The following SRBD1 variants were observed in gnomAD, a reference collection of about 807,000 sequenced individuals.
SRBD1 encodes S1 RNA-binding domain-containing protein 1.
A neutral mutation model predicts 115.3 loss-of-function variants in SRBD1; 88 were observed. The ratio of observed to expected loss-of-function variants is 0.76; its 90% CI spans 0.64 to 0.91. SRBD1 has a LOEUF of 0.91. SRBD1 is among the 40% of genes least tolerant of loss of function. The pLI is 0.00. For synonymous variants in SRBD1, 509 were observed against 407.7 expected (o/e 1.25, Z -2.99); for missense variants, 1,385 against 1,177.4 (o/e 1.18, Z -2.58).
At chr2:45,506,707 T>C (rs1421009146) in intron 14 of SRBD1, among the ~76,000 whole-genome samples, 4 of 152,178 alleles carry the variant, frequency 2.6e-5, no homozygotes, top group Non-Finnish European at 5.9e-5. Context: ...ATATACAGCA[T>C]GAAAAGGATA....
At chr2:45,524,384 T>C (rs1187264037) in intron 14 of SRBD1, among the ~76,000 whole-genome samples, 1 of 152,002 alleles carries the variant, frequency 6.6e-6, no homozygotes, top group Non-Finnish European at 1.5e-5. Context: ...GATAACATTA[T>C]TTTGCATATA....
chr2:45,439,236 G>A (rs1223826714), intron 16 of SRBD1, among the ~76,000 whole-genome samples: 1 of 151,866 alleles, frequency 6.6e-6, no homozygotes, highest in African/African-American at 2.4e-5. Context: ...GAATTTTGCA[G>A]ACTAAAGGAA....
In SRBD1 at chr2:45,579,918, T is replaced by A. The variant is rs1673295595; in HGVS notation, c.1029A>T (p.Pro343=). The change falls in exon 7 of 21, where the codon CCA becomes CCT. Residue 343 remains proline, a synonymous_variant. Coordinates refer to ENST00000263736, the MANE Select transcript of SRBD1 (RefSeq NM_018079.5). ...TGTACGATAGCAGACTGAGCTCCCC[T>A]GGTTTCTCAAGCAGTGCCCTGGCTG... ...EGAARALLEK[P]GELSLLSYIR... 1 of 1,610,368 alleles carries A rather than the reference T, an allele frequency of 6.2e-7. No individual in the cohort carries two copies. Among genetic ancestry groups the A allele is most frequent in the Admixed American group, 1.7e-5 (1 of 59,290 alleles).
intron 15 of SRBD1, among the ~76,000 whole-genome samples, chr2:45,482,384 G>C (rs1669992034): frequency 6.6e-6 from 1 of 151,954 alleles, no homozygotes; most frequent in Non-Finnish European, 1.5e-5. Flanking sequence ...CAATTAGTTG[G>C]GTAGTTTCAA....
intron 17 of SRBD1, among the ~76,000 whole-genome samples, chr2:45,419,006 T>G (rs1443964446): frequency 6.6e-6 from 1 of 152,232 alleles, no homozygotes; most frequent in Non-Finnish European, 1.5e-5. Flanking sequence ...AGAAAGGCCC[T>G]TATCTATAAT....
intron 14 of SRBD1, among the ~76,000 whole-genome samples, chr2:45,495,964 T>C (rs959451033): frequency 6.6e-6 from 1 of 152,222 alleles, no homozygotes; most frequent in East Asian, 1.9e-4. Context: ...CTCCTGATTC[T>C]TGCACTTAAC....
intron 14 of SRBD1, among the ~76,000 whole-genome samples, chr2:45,541,874 T>C (rs1047273049): frequency 1.3e-5 from 2 of 152,224 alleles, no homozygotes; most frequent in African/African-American, 4.8e-5. Flanking sequence ...GAATGCATGC[T>C]GATTGGTCCA....
At chr2:45,519,889 C>T (rs981747098) in intron 14 of SRBD1, among the ~76,000 whole-genome samples, 1 of 152,070 alleles carries the variant, frequency 6.6e-6, no homozygotes, top group African/African-American at 2.4e-5. Flanking sequence ...TCCCATTTTA[C>T]ATATGAGGAA....
At position 45,389,226 on chromosome 2, in the gene SRBD1, C is replaced by T; in HGVS notation, c.*84G>A. The stretch of plus-strand genomic sequence containing the variant: ...TAAGTGAATTATTTCTCATCTGCTA[C>T]CTAGAGTTTACAAACAACTGACTTA... On this transcript the variant is annotated 3_prime_UTR_variant, in exon 21 of 21. Coordinates refer to ENST00000263736, the MANE Select transcript of SRBD1 (RefSeq NM_018079.5). 2.1e-6 allele frequency: 3 copies of T among 1,458,048 alleles called. No homozygotes were observed. Among genetic ancestry groups the T allele is most frequent in the South Asian group, 2.7e-5 (2 of 74,076 alleles). 90.3% of individuals were successfully genotyped at this position (1,458,048 alleles called of 1,614,324 possible). A position where few individuals can be genotyped will look rare whatever the true frequency, so the allele number is the denominator to read the frequency against.
rs918519923 is a variant in SRBD1 at position 45,585,708 on chromosome 2, C to T, written c.715G>A (p.Asp239Asn). 1 of 1,612,510 alleles carries T rather than the reference C, an allele frequency of 6.2e-7. No homozygotes were observed. The highest frequency in any genetic ancestry group is 8.5e-7 in the Non-Finnish European group (1 of 1,179,682). ...CANIIRLFND[D>N]NTIPFIIRYR... ...CGTATAATGAAGGGAATTGTGTTAT[C>T]ATCATTAAAGAGACGAATGATGTTG... The change falls in exon 5 of 21, where the codon GAT (aspartate) becomes AAT (asparagine). Residue 239 changes from aspartate to asparagine, a missense_variant. Physicochemically the swap from Asp to Asn is conservative, Grantham distance 23. Transcript: ENST00000263736.
At position 45,551,261 on chromosome 2, in the gene SRBD1, T is replaced by C; in HGVS notation, c.1539A>G (p.Ala513=). 1 of 1,601,174 alleles carries C rather than the reference T, an allele frequency of 6.2e-7. No individual in the cohort carries two copies. The highest frequency in any genetic ancestry group is 8.5e-7 in the Non-Finnish European group (1 of 1,177,452). Residue 513 remains alanine (A), a synonymous_variant, in exon 12 of 21, where the codon GCA becomes GCG. Coordinates refer to ENST00000263736, the MANE Select transcript of SRBD1 (RefSeq NM_018079.5). ...REFRAKLTSD[A]EKESVMMFGR... is the part of the protein sequence containing the mutation. ...CAAACATCATTACTGATTCCTTCTC[T>C]GCATCTGATGTTAGTTTGGCTCTTT...
At chr2:45,473,270 T>C (rs1486882391) in intron 16 of SRBD1, among the ~76,000 whole-genome samples, 1 of 152,194 alleles carries the variant, frequency 6.6e-6, no homozygotes, top group Non-Finnish European at 1.5e-5. Flanking sequence ...TATATCTGAA[T>C]CTTTTTCCTG....
chr2:45,463,775 T>C (rs183935009), intron 16 of SRBD1, among the ~76,000 whole-genome samples: 1 of 152,298 alleles, frequency 6.6e-6, no homozygotes, highest in East Asian at 1.9e-4. Flanking sequence ...AATCTTATTC[T>C]ACTATTTTTA....
At chr2:45,478,059 T>C (rs1669856860) in intron 15 of SRBD1, among the ~76,000 whole-genome samples, 2 of 150,012 alleles carry the variant, frequency 1.3e-5, no homozygotes, top group Non-Finnish European at 3.0e-5. Flanking sequence ...ATTACAACTC[T>C]TATGAATAGT....
intron 7 of SRBD1, among the ~76,000 whole-genome samples, chr2:45,576,362 A>G (rs6544835): frequency 0.21 from 31,523 of 151,774 alleles, 5,749 homozygotes; most frequent in African/African-American, 0.5. Context: ...GGTCAACAGT[A>G]GGCTATTAAC....
chr2:45,526,355 C>A (rs997280517), intron 14 of SRBD1, among the ~76,000 whole-genome samples: 1 of 151,916 alleles, frequency 6.6e-6, no homozygotes, highest in African/African-American at 2.4e-5. Flanking sequence ...TTACAAAACA[C>A]CACATAATAT....
intron 13 of SRBD1, 85 bp downstream of exon 13, chr2:45,547,437 A>G: frequency 8.3e-7 from 1 of 1,204,132 alleles, no homozygotes; most frequent in South Asian, 1.3e-5. Flanking sequence ...ACCTCCCTTA[A>G]TCCCTCCCTC....
chr2:45,435,850 C>T (rs1375869937), intron 16 of SRBD1, among the ~76,000 whole-genome samples: 1 of 152,112 alleles, frequency 6.6e-6, no homozygotes. Flanking sequence ...AGAAATTATA[C>T]CAATTCTCTA....
intron 14 of SRBD1, among the ~76,000 whole-genome samples, chr2:45,533,239 G>C (rs1285880328): frequency 1.3e-5 from 2 of 151,956 alleles, no homozygotes; most frequent in African/African-American, 4.8e-5. Context: ...GAAAAAAAGA[G>C]CTAACACTGC....
Sources: allele counts gnomAD v4.1 joint callset (sites outside exome capture counted in the v4.1 genomes callset), GRCh38; gene constraint gnomAD v4.1.1; transcripts MANE v1.5; gene names NCBI Gene and HGNC (gene_info 2026-07-23, HGNC 2026-07-21).